Variants in PMS1 observed in about 807,000 individuals in gnomAD.
The protein encoded by PMS1 is PMS1 protein homolog 1.
In PMS1, 79 loss-of-function variants were observed where a neutral mutation model predicts 93.1. The ratio of observed to expected loss-of-function variants is 0.85; its 90% CI spans 0.71 to 1.02. The LOEUF is 1.02. PMS1 is among the 50% of genes least tolerant of loss of function. PMS1 has a pLI of 0.00. For synonymous variants in PMS1, 335 were observed against 363.4 expected (o/e 0.92, Z 0.89); for missense variants, 1,064 against 1,085.3 (o/e 0.98, Z 0.28).
At chr2:189,789,235 A>G (rs2048632919) in intron 1 of PMS1, among the ~76,000 whole-genome samples, 1 of 152,188 alleles carries the variant, frequency 6.6e-6, no homozygotes, top group African/African-American at 2.4e-5. Flanking sequence ...AACACTTTAT[A>G]TATTCTTCCT....
At chr2:189,804,847 A>G (rs1176482777) in intron 3 of PMS1, among the ~76,000 whole-genome samples, 1 of 152,102 alleles carries the variant, frequency 6.6e-6, no homozygotes, top group East Asian at 1.9e-4. Context: ...TGAGGAGGCT[A>G]CCTTCTTCCC....
At chr2:189,826,167 A>T (rs754375972) in intron 5 of PMS1, among the ~76,000 whole-genome samples, 13 of 152,040 alleles carry the variant, frequency 8.6e-5, no homozygotes, top group Non-Finnish European at 1.3e-4. Flanking sequence ...TGCTATGGGG[A>T]ATCAAAGAAA....
intron 3 of PMS1, among the ~76,000 whole-genome samples, chr2:189,798,987 T>A (rs1367913959): frequency 6.6e-6 from 1 of 152,190 alleles, no homozygotes; most frequent in Non-Finnish European, 1.5e-5. Flanking sequence ...TATTCAAATC[T>A]TCACTGTAGT....
At chr2:189,836,407 A>G (rs1283260163) in intron 5 of PMS1, among the ~76,000 whole-genome samples, 1 of 152,152 alleles carries the variant, frequency 6.6e-6, no homozygotes, top group African/African-American at 2.4e-5. Context: ...AAACATATGG[A>G]GGTTTGTGTG....
rs771067565 is a variant in PMS1 at position 189,852,638 on chromosome 2, C to CTA, written c.700-16_700-15insAT. ...AACTACATTGTTGACATTGCATATT[C>CTA]TGTAATTATTATATAGATTTATCTC... On this transcript the variant is annotated splice_polypyrimidine_tract_variant and intron_variant, in intron 6 of 12. Transcript: ENST00000441310. The CTA allele has an allele frequency of 6.2e-7, 1 of 1,600,948 alleles. No homozygotes were observed. The highest frequency in any genetic ancestry group is 8.6e-7 in the Non-Finnish European group (1 of 1,168,422).
intron 4 of PMS1, 116 bp downstream of exon 4, chr2:189,805,870 A>T: frequency 6.4e-7 from 1 of 1,552,060 alleles, no homozygotes; most frequent in South Asian, 1.2e-5. Context: ...TGGTCCTGAT[A>T]AAGGCTAGTT....
At chr2:189,789,178 CTTA>C (rs2048628209) in intron 1 of PMS1, among the ~76,000 whole-genome samples, 1 of 152,148 alleles carries the variant, frequency 6.6e-6, no homozygotes, top group African/African-American at 2.4e-5. Context: ...ATAATGATCT[CTTA>C]TTATAATACT....
At chr2:189,847,435 T>G (rs2054346438) in intron 6 of PMS1, among the ~76,000 whole-genome samples, 1 of 152,120 alleles carries the variant, frequency 6.6e-6, no homozygotes, top group South Asian at 2.1e-4. Context: ...CCATAAGTTT[T>G]GAGAGATCTG....
intron 1 of PMS1, among the ~76,000 whole-genome samples, chr2:189,787,196 AC>A (rs2106191282): frequency 6.6e-6 from 1 of 152,326 alleles, no homozygotes; most frequent in Non-Finnish European, 1.5e-5. Flanking sequence ...AGTGTGAGAT[AC>A]AGGTGAGCTG....
At chr2:189,835,788 C>T (rs1274918852) in intron 5 of PMS1, among the ~76,000 whole-genome samples, 2 of 151,216 alleles carry the variant, frequency 1.3e-5, no homozygotes, top group Admixed American at 6.6e-5. Context: ...ATTAGCTGGG[C>T]GTGGTAGTGT....
chr2:189,855,924 A>ATT, intron 9 of PMS1: 2 of 837,396 alleles, frequency 2.4e-6, no homozygotes, highest in Non-Finnish European at 3.1e-6. Flanking sequence ...CAGGTATCTG[A>ATT]GTATCTCAAT....
chr2:189,801,521 T>C (rs1184826360), intron 3 of PMS1, among the ~76,000 whole-genome samples: 1 of 152,258 alleles, frequency 6.6e-6, no homozygotes, highest in Non-Finnish European at 1.5e-5. Context: ...TGATATTTTA[T>C]ATGTGTTATC....
chr2:189,812,346 A>G (rs2050920729), intron 4 of PMS1, among the ~76,000 whole-genome samples: 1 of 152,158 alleles, frequency 6.6e-6, no homozygotes, highest in African/African-American at 2.4e-5. Context: ...GACTTCTATA[A>G]CCAGTAAAAA....
In PMS1 at chr2:189,863,873, G is replaced by T. The variant is rs980723067; in HGVS notation, c.1987G>T (p.Ala663Ser). ...AAAACCCACCAGCGCATGGAATTTG[G>T]CCCAGAAGCACAAGTTAAAAACCTC... ...KIKPTSAWNL[A>S]QKHKLKTSLS... Residue 663 changes from alanine to serine, a missense_variant, in exon 10 of 13, where the codon GCC becomes TCC. Ala to Ser is a moderately conservative substitution (Grantham distance 99, BLOSUM62 1). Transcript: ENST00000441310. 6.2e-6 allele frequency: 10 copies of T among 1,613,854 alleles called. No homozygotes were observed. The highest frequency in any genetic ancestry group is 8.5e-6 in the Non-Finnish European group (10 of 1,179,994).
chr2:189,859,323 G>T (rs907158948), intron 9 of PMS1, among the ~76,000 whole-genome samples: 3 of 152,136 alleles, frequency 2.0e-5, no homozygotes, highest in African/African-American at 7.2e-5. Context: ...TTACAGTTGA[G>T]CATGAGACAC....
chr2:189,870,483 T>C (rs1195819359), intron 11 of PMS1, among the ~76,000 whole-genome samples: 1 of 152,234 alleles, frequency 6.6e-6, no homozygotes, highest in Non-Finnish European at 1.5e-5. Flanking sequence ...TTCACAGTAT[T>C]TTATGGAAAC....
chr2:189,871,789 A>G (rs1385875990), intron 11 of PMS1, among the ~76,000 whole-genome samples: 2 of 152,146 alleles, frequency 1.3e-5, no homozygotes, highest in African/African-American at 4.8e-5. Context: ...ACTTGAGACT[A>G]GGTAATGTAT....
At chr2:189,845,082 C>T (rs1405934711) in intron 6 of PMS1, among the ~76,000 whole-genome samples, 4 of 152,006 alleles carry the variant, frequency 2.6e-5, no homozygotes, top group Admixed American at 1.3e-4. Flanking sequence ...GGTCTCGATC[C>T]TCTGACCTCA....
chr2:189,846,513 CA>C (rs780419075), intron 6 of PMS1, among the ~76,000 whole-genome samples: 34 of 124,818 alleles, frequency 2.7e-4, no homozygotes, highest in East Asian at 1.4e-3. Context: ...GACTCCGTCT[CA>C]AAAAAAAAAA....
Sources: allele counts gnomAD v4.1 joint callset (sites outside exome capture counted in the v4.1 genomes callset), GRCh38; gene constraint gnomAD v4.1.1; transcripts MANE v1.5; gene names NCBI Gene and HGNC (gene_info 2026-07-23, HGNC 2026-07-21).